The following MYO18B variants were observed in gnomAD, a reference collection of about 807,000 sequenced individuals.
The protein encoded by MYO18B is myosin XVIIIB, also known as unconventional myosin-XVIIIb.
In MYO18B, 204 loss-of-function variants were observed where a neutral mutation model predicts 273.0. The observed-to-expected ratio is 0.75, with a 90% CI of 0.67 to 0.84. The LOEUF is 0.84. Ranked by LOEUF, MYO18B falls within the 40% of genes least tolerant of loss-of-function variation. The pLI, the probability that MYO18B is intolerant of heterozygous loss-of-function variation, is 0.00. For missense variants in MYO18B, 3,212 were observed against 3,287.6 expected (o/e 0.98, Z 0.56); for synonymous variants, 1,330 against 1,305.7 (o/e 1.02, Z -0.40).
intron 22 of MYO18B, among the ~76,000 whole-genome samples, chr22:25,869,898 T>A (rs903938293): frequency 5.9e-5 from 9 of 152,112 alleles, no homozygotes; most frequent in Non-Finnish European, 1.3e-4. Flanking sequence ...CTGATAGGAG[T>A]TGCAGCATCC....
chr22:26,003,562 C>T (rs1221588546), intron 41 of MYO18B, among the ~76,000 whole-genome samples: 1 of 152,168 alleles, frequency 6.6e-6, no homozygotes, highest in African/African-American at 2.4e-5. Flanking sequence ...CCTATTGCCC[C>T]AGAACAGACT....
chr22:25,833,578 T>C (rs796494968), intron 16 of MYO18B, among the ~76,000 whole-genome samples: 1 of 152,184 alleles, frequency 6.6e-6, no homozygotes, highest in Admixed American at 6.5e-5. Context: ...TTTCACTTGA[T>C]TTTTTTGTCT....
rs2088015748 is a variant in MYO18B, at chr22:25,798,201, A to G, written c.2521+104A>G. 15 of 1,358,930 alleles carry G rather than the reference A, an allele frequency of 1.1e-5. No individual in the cohort carries two copies. In the South Asian group the frequency reaches 1.2e-4, roughly 11 times the overall value. 84.2% of individuals were successfully genotyped at this position (1,358,930 alleles called of 1,614,324 possible). ...GCGGTGGGAACAGGGTCAATCTGTC[A>G]CCTTCTATGTCTCTGGGACTTCCCT... On this transcript the variant is annotated intron_variant, in intron 12 of 43. Coordinates refer to ENST00000335473, the MANE Select transcript of MYO18B (RefSeq NM_032608.7).
chr22:25,910,077 T>C (rs2092125911), intron 32 of MYO18B, among the ~76,000 whole-genome samples: 1 of 152,160 alleles, frequency 6.6e-6, no homozygotes, highest in African/African-American at 2.4e-5. Flanking sequence ...GGGGAATGTC[T>C]GTGTTTGCTG....
intron 34 of MYO18B, among the ~76,000 whole-genome samples, chr22:25,932,411 C>CTTTT (rs778189259): frequency 9.8e-5 from 8 of 81,466 alleles, no homozygotes; most frequent in African/African-American, 2.7e-4. Flanking sequence ...TCTTTTCTTT[C>CTTTT]TTTTTTTTTT....
Position 25,768,150 on chromosome 22 carries a change from G to A in MYO18B, c.234G>A (p.Lys78=), listed in dbSNP as rs761628610. 6.2e-7 allele frequency: 1 copy of A among 1,610,254 alleles called. No homozygotes were observed. Among genetic ancestry groups the A allele is most frequent in the Non-Finnish European group, 8.5e-7 (1 of 1,177,864 alleles). ...TTTCCATCAGCCAACCCAACAGCAA[G>A]TCCAGCAGTGGCACCAGATCTGGAA... ...PEISISQPNS[K]SSSGTRSGSQ... The change falls in exon 4 of 44, where the codon AAG becomes AAA. Residue 78 remains lysine, a synonymous_variant. Coordinates refer to ENST00000335473, the MANE Select transcript of MYO18B (RefSeq NM_032608.7).
the MYO18B span, among the ~76,000 whole-genome samples, chr22:26,053,553 C>T: frequency 6.6e-6 from 1 of 152,124 alleles, no homozygotes; most frequent in South Asian, 2.1e-4. Flanking sequence ...CTTAATTTGT[C>T]CTCAAATATA....
chr22:25,855,824 T>C (rs1341916273), intron 21 of MYO18B, among the ~76,000 whole-genome samples: 2 of 150,518 alleles, frequency 1.3e-5, no homozygotes, highest in South Asian at 4.2e-4. Context: ...CTACTTTCTT[T>C]CTTTTTTTTT....
intron 22 of MYO18B, among the ~76,000 whole-genome samples, chr22:25,873,400 C>T (rs745911209): frequency 1.3e-5 from 2 of 152,216 alleles, no homozygotes; most frequent in African/African-American, 4.8e-5. Flanking sequence ...TCCCTTCCCC[C>T]ACTGTCTCTG....
chr22:25,956,371 A>T (rs189072291), intron 39 of MYO18B, among the ~76,000 whole-genome samples: 84 of 152,142 alleles, frequency 5.5e-4, no homozygotes, highest in African/African-American at 2.0e-3. Flanking sequence ...ATGAGCCACC[A>T]TGTCCGTCTA....
At chr22:26,023,646 G>A (rs2147000678) in intron 42 of MYO18B, among the ~76,000 whole-genome samples, 1 of 152,228 alleles carries the variant, frequency 6.6e-6, no homozygotes, top group Middle Eastern at 3.4e-3. Context: ...TCAGTGACAG[G>A]AGCCCTCAAT....
intron 12 of MYO18B, among the ~76,000 whole-genome samples, chr22:25,800,491 G>C (rs987867666): frequency 1.3e-5 from 2 of 152,198 alleles, no homozygotes; most frequent in Admixed American, 6.5e-5. Flanking sequence ...TTGCATATTT[G>C]GGGAAGGACC....
the MYO18B span, among the ~76,000 whole-genome samples, chr22:26,060,107 G>A: frequency 2.0e-5 from 3 of 152,200 alleles, no homozygotes; most frequent in Admixed American, 6.5e-5. Flanking sequence ...CATCCCCAGC[G>A]TCCTTTAGTG....
At chr22:25,794,845 G>C (rs915895717) in intron 11 of MYO18B, among the ~76,000 whole-genome samples, 6 of 152,192 alleles carry the variant, frequency 3.9e-5, no homozygotes, top group African/African-American at 1.4e-4. Flanking sequence ...CTATCTGCCA[G>C]ATCAAGATAC....
At chr22:25,944,620 C>T (rs111490532) in intron 34 of MYO18B, among the ~76,000 whole-genome samples, 9 of 151,990 alleles carry the variant, frequency 5.9e-5, no homozygotes, top group East Asian at 1.9e-4. Flanking sequence ...GAGGCCGAGG[C>T]GGGCAGATCA....
chr22:25,878,712 A>G (rs911759463), intron 25 of MYO18B, among the ~76,000 whole-genome samples: 27 of 152,232 alleles, frequency 1.8e-4, no homozygotes, highest in African/African-American at 5.8e-4. Context: ...GATTGGAAAA[A>G]TTGAAGAGTG....
intron 10 of MYO18B, among the ~76,000 whole-genome samples, chr22:25,783,167 A>G (rs536804993): frequency 1.3e-5 from 2 of 152,336 alleles, no homozygotes; most frequent in East Asian, 3.9e-4. Context: ...ATCTGCCTTG[A>G]TACCCCTGAC....
intron 16 of MYO18B, among the ~76,000 whole-genome samples, chr22:25,833,604 A>G (rs1179474194): frequency 6.6e-6 from 1 of 151,840 alleles, no homozygotes; most frequent in Non-Finnish European, 1.5e-5. Context: ...TTCACATTTT[A>G]TTACAAAAGT....
intron 42 of MYO18B, among the ~76,000 whole-genome samples, chr22:26,010,874 T>C (rs1934854509): frequency 2.0e-5 from 3 of 152,014 alleles, no homozygotes; most frequent in Non-Finnish European, 4.4e-5. Context: ...GTTTTAAATA[T>C]GTTAAACTTC....
Sources: allele counts gnomAD v4.1 joint callset (sites outside exome capture counted in the v4.1 genomes callset), GRCh38; gene constraint gnomAD v4.1.1; transcripts MANE v1.5; gene names NCBI Gene and HGNC (gene_info 2026-07-23, HGNC 2026-07-21).